ACOXL: variants seen among roughly 807,000 people sequenced by gnomAD.
ACOXL encodes acyl-CoA oxidase like.
A neutral mutation model predicts 71.9 loss-of-function variants in ACOXL; 70 were observed. That is an observed-to-expected ratio of 0.97 (90% confidence interval 0.80 to 1.19). The LOEUF is 1.19. ACOXL is among the 50% of genes most tolerant of loss of function. The pLI is 0.00. For missense variants in ACOXL, 703 were observed against 736.3 expected (o/e 0.95, Z 0.52); for synonymous variants, 253 against 281.6 (o/e 0.90, Z 1.02).
At position 110,743,831 on chromosome 2, in the gene ACOXL, T is replaced by G. The variant is rs775782267; in HGVS notation, c.-23+11057T>G. Among the ~76,000 whole-genome samples, 29 of 152,370 alleles carry G rather than the reference T, an allele frequency of 1.9e-4. 1 individual carries two copies. The highest frequency in any genetic ancestry group is 1.4e-3 in the Admixed American group (22 of 15,312). ...GGGATGATTTCTATTCTTGTGAATGTGCCTACACATTTCTCCTCTTCTGCT... is the reference window on the plus strand; with the variant it reads ...GGGATGATTTCTATTCTTGTGAATGGGCCTACACATTTCTCCTCTTCTGCT... On this transcript the variant is annotated intron_variant, in intron 1 of 17. Transcript: ENST00000439055.
intron 14 of ACOXL, among the ~76,000 whole-genome samples, chr2:111,005,564 A>G (rs1021011690): frequency 7.2e-5 from 11 of 152,338 alleles, no homozygotes; most frequent in African/African-American, 2.6e-4. Context: ...TTAAAACATA[A>G]TAAACCGCAG....
chr2:111,106,898 C>G (rs1190146227), intron 17 of ACOXL, among the ~76,000 whole-genome samples: 2 of 152,168 alleles, frequency 1.3e-5, no homozygotes, highest in African/African-American at 4.8e-5. Context: ...CCTAAAGGGC[C>G]TTTACTCACA....
At chr2:110,918,922 T>C (rs2059963436) in intron 11 of ACOXL, among the ~76,000 whole-genome samples, 2 of 152,172 alleles carry the variant, frequency 1.3e-5, no homozygotes, top group African/African-American at 4.8e-5. Flanking sequence ...GGAGAGGATG[T>C]GGAGAAATAG....
intron 12 of ACOXL, among the ~76,000 whole-genome samples, chr2:110,984,918 C>T (rs527395726): frequency 5.3e-5 from 8 of 152,238 alleles, no homozygotes; most frequent in South Asian, 2.1e-4. Flanking sequence ...TCCAGGCTGC[C>T]GGAAGACAGC....
At chr2:110,886,148 C>T (rs748099940) in intron 10 of ACOXL, among the ~76,000 whole-genome samples, 1 of 152,228 alleles carries the variant, frequency 6.6e-6, no homozygotes, top group Non-Finnish European at 1.5e-5. Flanking sequence ...CACGAAGGCA[C>T]ATGTGCTACC....
chr2:111,095,222 G>GA (rs5833386), intron 17 of ACOXL, among the ~76,000 whole-genome samples: 120,675 of 140,304 alleles, frequency 0.86, 51,860 homozygotes, highest in African/African-American at 0.94. Flanking sequence ...TTTTTAATTA[G>GA]AAAAAAAAAA....
chr2:111,024,203 C>T (rs2064910431), intron 14 of ACOXL, among the ~76,000 whole-genome samples: 1 of 152,176 alleles, frequency 6.6e-6, no homozygotes, highest in African/African-American at 2.4e-5. Context: ...TCTCTGTCCC[C>T]AGGTTGTAGA....
At chr2:111,111,565 G>A (rs1558980065) in intron 17 of ACOXL, among the ~76,000 whole-genome samples, 1 of 152,138 alleles carries the variant, frequency 6.6e-6, no homozygotes, top group African/African-American at 2.4e-5. Context: ...ATGGTTTCCT[G>A]TATTCTAAAG....
chr2:110,741,097 G>A (rs1297538791), intron 1 of ACOXL, among the ~76,000 whole-genome samples: 4 of 152,136 alleles, frequency 2.6e-5, no homozygotes, highest in African/African-American at 9.7e-5. Context: ...GATGTGGAGT[G>A]GCTTGGAGTG....
chr2:110,794,019 G>A, intron 4 of ACOXL, 57 bp from the exon 5 acceptor site: 1 of 1,553,154 alleles, frequency 6.4e-7, no homozygotes, highest in East Asian at 2.2e-5. Flanking sequence ...CGAGGGGTCT[G>A]CATTTGGAGC....
chr2:111,114,561 CAG>C (rs372167299), intron 17 of ACOXL, among the ~76,000 whole-genome samples: 1 of 152,226 alleles, frequency 6.6e-6, no homozygotes, highest in East Asian at 1.9e-4. Context: ...ATGCTGAGAA[CAG>C]GGGTGAGACA....
At chr2:110,787,533 CAA>C (rs1175271772) in intron 3 of ACOXL, among the ~76,000 whole-genome samples, 3 of 53,618 alleles carry the variant, frequency 5.6e-5, no homozygotes, top group Admixed American at 1.8e-4. Context: ...GACTCCGTCT[CAA>C]AAAAAAAAAA....
intron 12 of ACOXL, among the ~76,000 whole-genome samples, chr2:110,973,979 C>A (rs2062332927): frequency 6.6e-6 from 1 of 152,122 alleles, no homozygotes; most frequent in African/African-American, 2.4e-5. Context: ...GTCAGCACCC[C>A]CTCATAGGAA....
rs1253377267 is a variant in ACOXL at position 111,118,133 on chromosome 2, C to G, written c.*317C>G. The stretch of plus-strand genomic sequence containing the variant: ...GGGTGGGCTCCCCGCTGCGAGCGCG[C>G]CCCACAGCCGGGTGCCGCCAAAGGT... On this transcript the variant is annotated 3_prime_UTR_variant, in exon 18 of 18. Coordinates refer to ENST00000439055, the MANE Select transcript of ACOXL (RefSeq NM_001142807.4). 2.1e-6 allele frequency: 1 copy of G among 472,958 alleles called. No individual in the cohort carries two copies. Among genetic ancestry groups the G allele is most frequent in the Non-Finnish European group, 3.8e-6 (1 of 264,544 alleles). 29.3% of individuals were successfully genotyped at this position (472,958 alleles called of 1,614,324 possible).
intron 14 of ACOXL, among the ~76,000 whole-genome samples, chr2:111,021,415 G>A (rs2064753117): frequency 6.6e-6 from 1 of 152,144 alleles, no homozygotes; most frequent in Non-Finnish European, 1.5e-5. Context: ...GGATGTTGAG[G>A]GAGATTTGTT....
chr2:111,033,921 G>C (rs755255095), intron 15 of ACOXL, among the ~76,000 whole-genome samples: 9 of 152,198 alleles, frequency 5.9e-5, no homozygotes, highest in Non-Finnish European at 8.8e-5. Flanking sequence ...TCAGAAATGT[G>C]ATCAAGTTTG....
rs1280420086 is a variant in ACOXL at position 110,805,349 on chromosome 2, C to A, written c.707C>A (p.Thr236Asn). Residue 236 changes from threonine to asparagine, a missense_variant, in exon 9 of 18, where the codon ACC (threonine) becomes AAC (asparagine). Transcript: ENST00000439055. ...ARFNAMLAALTPSRLAVAFQA... is the reference protein window; with the variant it reads ...ARFNAMLAALNPSRLAVAFQA... ...TTCAATGCCATGCTGGCAGCACTGA[C>A]CCCTTCGAGATTAGCTGTGGCTTTC... The A allele has an allele frequency of 1.2e-6, 2 of 1,614,116 alleles. No homozygotes were observed. Among genetic ancestry groups the A allele is most frequent in the Non-Finnish European group, 1.7e-6 (2 of 1,180,048 alleles).
At chr2:110,808,569 C>T (rs1274348651) in intron 9 of ACOXL, among the ~76,000 whole-genome samples, 1 of 152,158 alleles carries the variant, frequency 6.6e-6, no homozygotes, top group Non-Finnish European at 1.5e-5. Context: ...CCTCACTGTA[C>T]CCCCTCTCTC....
chr2:110,841,515 G>A (rs1380630686), intron 10 of ACOXL, 110 bp downstream of exon 10: 2 of 801,186 alleles, frequency 2.5e-6, no homozygotes, highest in East Asian at 2.7e-5. Flanking sequence ...GCTTTCCTGT[G>A]ATGTCCGTGT....
Sources: allele counts gnomAD v4.1 joint callset (sites outside exome capture counted in the v4.1 genomes callset), GRCh38; gene constraint gnomAD v4.1.1; transcripts MANE v1.5; gene names NCBI Gene and HGNC (gene_info 2026-07-23, HGNC 2026-07-21).